Variants in HDAC11 observed in about 807,000 individuals in gnomAD.
HDAC11 encodes histone deacetylase 11.
In HDAC11, 23 loss-of-function variants were observed where a neutral mutation model predicts 41.1. The ratio of observed to expected loss-of-function variants is 0.56; its 90% CI spans 0.40 to 0.79. HDAC11 has a LOEUF of 0.79. HDAC11 is among the 30% of genes least tolerant of loss of function. HDAC11 has a pLI of 0.00. For synonymous variants in HDAC11, 187 were observed against 186.6 expected (o/e 1.00, Z -0.02); for missense variants, 402 against 477.3 (o/e 0.84, Z 1.47).
At chr3:13,486,980 T>C (rs557763567) in intron 3 of HDAC11, among the ~76,000 whole-genome samples, 110 of 152,194 alleles carry the variant, frequency 7.2e-4, no homozygotes, top group Middle Eastern at 3.4e-3. Context: ...GGAGGCCGGA[T>C]GGAAGGGAAT....
chr3:13,486,569 G>GTGT (rs1404925358), intron 3 of HDAC11, among the ~76,000 whole-genome samples: 3 of 123,484 alleles, frequency 2.4e-5, no homozygotes, highest in African/African-American at 3.7e-5. Context: ...TCATGTAGAG[G>GTGT]TGTTTTTTTT....
rs1243972380 is a variant in HDAC11 at position 13,486,286 on chromosome 3, AAAAG to A, written c.252+2726_252+2729del. Among the ~76,000 whole-genome samples, 52 of 150,460 alleles carry A rather than the reference AAAAG, an allele frequency of 3.5e-4. 1 individual carries two copies. The South Asian group carries it at 6.5e-3, about 19-fold the overall frequency. On this transcript the variant is annotated intron_variant, in intron 3 of 9. Transcript: ENST00000295757. Reference sequence around the variant, plus strand: ...CCATCTCAAAAAAAAAAAAAAAAAAAAAAGAAAAAGATGAAGAAGTAGTCAGTCA... The same window carrying A: ...CCATCTCAAAAAAAAAAAAAAAAAAAAAAAAGATGAAGAAGTAGTCAGTCA...
At chr3:13,488,932 T>TC (rs991085916) in intron 3 of HDAC11, among the ~76,000 whole-genome samples, 3 of 150,420 alleles carry the variant, frequency 2.0e-5, no homozygotes, top group African/African-American at 2.5e-5. Flanking sequence ...TTTTTTTTTT[T>TC]CCCCCCCAGT....
chr3:13,496,555 C>T (rs992051795), intron 3 of HDAC11, 181 bp from the exon 4 acceptor site: 4 of 547,722 alleles, frequency 7.3e-6, no homozygotes, highest in African/African-American at 3.9e-5. Context: ...CAGAGCTTGC[C>T]AGGAGCCTGG....
At position 13,480,588 on chromosome 3, in the gene HDAC11, C is replaced by G. The variant is rs575336825; in HGVS notation, c.2+239C>G. The G allele has an allele frequency of 6.7e-6, 2 of 299,274 alleles. No individual in the cohort carries two copies. The allele number at this position is 299,274 out of a possible 1,614,324, so 18.5% of individuals were successfully genotyped here. On this transcript the variant is annotated intron_variant, in intron 1 of 9. Transcript: ENST00000295757. This position sits in a 1 kb window ranked among gnomAD's most constrained non-coding sequence, Gnocchi z 4.6. ...CCGGCCGCGGGCCTGGGCCCGGACC[C>G]GGAGCGGTCGGGCGATGTGCGCGGG...
chr3:13,502,140 C>T lies in HDAC11; in HGVS notation c.552+207C>T. 1 of 570,190 alleles carries T rather than the reference C, an allele frequency of 1.8e-6. No individual in the cohort carries two copies. The highest frequency in any genetic ancestry group is 3.1e-6 in the Non-Finnish European group (1 of 320,206). The allele number at this position is 570,190 out of a possible 1,614,324, so 35.3% of individuals were successfully genotyped here. ...TCATTGCTCCCGAGGGTCCTCCCTC[C>T]CTCCTCCTGACTGCCCCCACATGAG... On this transcript the variant is annotated intron_variant, in intron 7 of 9. Transcript: ENST00000295757. The surrounding 1 kb of genome is among the most constrained non-coding windows in gnomAD (Gnocchi z 4.1).
chr3:13,505,925 T>C lies in HDAC11; in HGVS notation c.*1242T>C, dbSNP rs1702603371. On this transcript the variant is annotated 3_prime_UTR_variant, in exon 10 of 10. Transcript: ENST00000295757. Reference sequence around the variant, plus strand: ...CTGTGGCCCTGATCAAATCAGGGGCTGGGGAGGGAAAGTGGGTCCATTGAG... The same window carrying C: ...CTGTGGCCCTGATCAAATCAGGGGCCGGGGAGGGAAAGTGGGTCCATTGAG... 6.6e-6 allele frequency: 1 copy of C among 152,222 alleles called. No homozygotes were observed. Among genetic ancestry groups the C allele is most frequent in the Non-Finnish European group, 1.5e-5 (1 of 68,066 alleles). 9.4% of individuals were successfully genotyped at this position (152,222 alleles called of 1,614,324 possible).
chr3:13,496,855 AG>A lies in HDAC11; in HGVS notation c.369+5del. The A allele has an allele frequency of 1.1e-6, 1 of 910,162 alleles. No individual in the cohort carries two copies. The highest frequency in any genetic ancestry group is 1.7e-6 in the Non-Finnish European group (1 of 600,040). 56.4% of individuals were successfully genotyped at this position (910,162 alleles called of 1,614,324 possible). On this transcript the variant is annotated splice_donor_region_variant and intron_variant, in intron 4 of 9. Coordinates refer to ENST00000295757, the MANE Select transcript of HDAC11 (RefSeq NM_024827.4). ...CCCAGACAGGAGGAACCATAATGGT[AG>A]GTGGGGTGGGGGGGCATGGCTGGGC...
intron 5 of HDAC11, among the ~76,000 whole-genome samples, chr3:13,500,083 G>A (rs997126608): frequency 6.6e-6 from 1 of 152,138 alleles, no homozygotes; most frequent in Non-Finnish European, 1.5e-5. Flanking sequence ...GTAGCCTCCT[G>A]GGGGGTGGGA....
At chr3:13,496,934 C>A in intron 4 of HDAC11, 82 bp downstream of exon 4, 2 of 631,816 alleles carry the variant, frequency 3.2e-6, no homozygotes, top group South Asian at 2.3e-5. Context: ...CTGGAATGCC[C>A]TCCTCCCACT....
intron 4 of HDAC11, 82 bp from the exon 5 acceptor site, chr3:13,498,431 A>G: frequency 1.9e-6 from 3 of 1,552,204 alleles, no homozygotes; most frequent in Non-Finnish European, 2.7e-6. Context: ...AGCAGTGTTT[A>G]TGGAATGAGT....
At chr3:13,490,747 T>TC (rs1701818117) in intron 3 of HDAC11, among the ~76,000 whole-genome samples, 1 of 125,450 alleles carries the variant, frequency 8.0e-6, no homozygotes, top group African/African-American at 3.2e-5. Context: ...TTTTTTTCTT[T>TC]TTTTTTTTTT....
rs780400923 is a variant in HDAC11 at position 13,481,232 on chromosome 3, T to C, written c.3-14T>C. ...GCTGCCCCAGCTGTGCGTCTGTCTT[T>C]TTCCACACGGTAGGCTACACACAAC... On this transcript the variant is annotated splice_polypyrimidine_tract_variant and intron_variant, in intron 1 of 9. Coordinates refer to ENST00000295757, the MANE Select transcript of HDAC11 (RefSeq NM_024827.4). The C allele has an allele frequency of 2.4e-5, 39 of 1,610,634 alleles. No homozygotes were observed. The East Asian group carries it at 8.7e-4, about 36-fold the overall frequency.
rs1391163019 is a variant in HDAC11 at position 13,504,767 on chromosome 3, C to CACTCATGGGGTGGTGG, written c.*85_*86insCTCATGGGGTGGTGGA. On this transcript the variant is annotated 3_prime_UTR_variant, in exon 10 of 10. Transcript: ENST00000295757. ...TTCTAACCTCATGGGGTGGTGGAGG[C>CACTCATGGGGTGGTGG]AGCCTTCAGTGAGCATGGAGGGGCA... 8.1e-7 allele frequency: 1 copy of CACTCATGGGGTGGTGG among 1,234,128 alleles called. No individual in the cohort carries two copies. Among genetic ancestry groups the CACTCATGGGGTGGTGG allele is most frequent in the Non-Finnish European group, 1.2e-6 (1 of 860,776 alleles). 76.4% of individuals were successfully genotyped at this position (1,234,128 alleles called of 1,614,324 possible). A position where few individuals can be genotyped will look rare whatever the true frequency, so the allele number is the denominator to read the frequency against.
intron 5 of HDAC11, among the ~76,000 whole-genome samples, chr3:13,500,333 C>G (rs906844556): frequency 6.6e-6 from 1 of 152,156 alleles, no homozygotes; most frequent in Non-Finnish European, 1.5e-5. Flanking sequence ...CCTTCCTGAC[C>G]ACCCGCTTTG....
At position 13,504,276 on chromosome 3, in the gene HDAC11, C is replaced by A. The variant is rs778570866; in HGVS notation, c.828+4C>A. 6.2e-7 allele frequency: 1 copy of A among 1,612,608 alleles called. No individual in the cohort carries two copies. Among genetic ancestry groups the A allele is most frequent in the Non-Finnish European group, 8.5e-7 (1 of 1,179,614 alleles). ...GGGGCTGTCCATCAGCCCAGCGGTA[C>A]GTCCTGACCCTTGGGGCCACGGGAG... On this transcript the variant is annotated splice_donor_region_variant and intron_variant, in intron 9 of 9. Transcript: ENST00000295757.
Position 13,500,796 on chromosome 3 carries a change from C to T in HDAC11, c.489+7C>T. ...CATCACGCTCGCCATCAAGGTGTGT[C>T]TATGAGCAAGTGGGGTCTCGCCTCC... On this transcript the variant is annotated splice_region_variant and intron_variant, in intron 6 of 9. Coordinates refer to ENST00000295757, the MANE Select transcript of HDAC11 (RefSeq NM_024827.4). The T allele has an allele frequency of 6.5e-7, 1 of 1,537,626 alleles. No homozygotes were observed. The highest frequency in any genetic ancestry group is 8.8e-7 in the Non-Finnish European group (1 of 1,135,898).
At chr3:13,493,167 C>T (rs1242018215) in intron 3 of HDAC11, among the ~76,000 whole-genome samples, 1 of 152,234 alleles carries the variant, frequency 6.6e-6, no homozygotes, top group Non-Finnish European at 1.5e-5. Flanking sequence ...GCACCCCCCA[C>T]CTGCCCCACC....
At chr3:13,488,121 A>G (rs1268539016) in intron 3 of HDAC11, among the ~76,000 whole-genome samples, 1 of 151,712 alleles carries the variant, frequency 6.6e-6, no homozygotes, top group East Asian at 1.9e-4. Flanking sequence ...TGTGGAGAGA[A>G]GGAGACACAG....
Sources: allele counts gnomAD v4.1 joint callset (sites outside exome capture counted in the v4.1 genomes callset), GRCh38; gene constraint gnomAD v4.1.1; non-coding constraint Gnocchi (gnomAD v3.1); transcripts MANE v1.5; gene names NCBI Gene and HGNC (gene_info 2026-07-23, HGNC 2026-07-21).